Variants in PKD2L2 observed in about 807,000 individuals in gnomAD.
The protein encoded by PKD2L2 is polycystin 2 like 2, transient receptor potential cation channel, also known as polycystin-2-like protein 2.
In PKD2L2, 67 loss-of-function variants were observed where a neutral mutation model predicts 83.9. The ratio of observed to expected loss-of-function variants is 0.80; its 90% CI spans 0.66 to 0.98. PKD2L2 has a LOEUF of 0.98. Ranked by LOEUF, PKD2L2 falls within the 50% of genes least tolerant of loss-of-function variation. The probability of loss-of-function intolerance (pLI) is 0.00; values close to 1 mark genes in which losing one functional copy is unlikely to be tolerated. For missense variants in PKD2L2, 632 were observed against 717.2 expected (o/e 0.88, Z 1.36); for synonymous variants, 223 against 237.8 (o/e 0.94, Z 0.57).
chr5:137,914,315 A>G (rs1758129136), intron 8 of PKD2L2, among the ~76,000 whole-genome samples: 2 of 152,178 alleles, frequency 1.3e-5, no homozygotes, highest in Admixed American at 1.3e-4. Context: ...ATGACACTCA[A>G]AGAAATGCGC....
chr5:137,925,316 A>G (rs916430551), intron 11 of PKD2L2, among the ~76,000 whole-genome samples: 1 of 152,180 alleles, frequency 6.6e-6, no homozygotes, highest in Non-Finnish European at 1.5e-5. Flanking sequence ...CTGGCCATGA[A>G]TAAGGTTTTA....
intron 12 of PKD2L2, among the ~76,000 whole-genome samples, chr5:137,933,087 T>C (rs1157895766): frequency 6.7e-6 from 1 of 149,464 alleles, no homozygotes; most frequent in Non-Finnish European, 1.5e-5. Context: ...TTCTCCCCTC[T>C]ATCCTGCAAA....
chr5:137,902,285 A>T (rs547538492), intron 5 of PKD2L2, among the ~76,000 whole-genome samples: 3 of 152,210 alleles, frequency 2.0e-5, no homozygotes, highest in Non-Finnish European at 2.9e-5. Flanking sequence ...AAACGTTTTT[A>T]GAAAAATGAA....
intron 4 of PKD2L2, among the ~76,000 whole-genome samples, chr5:137,897,171 C>T (rs1227333580): frequency 6.6e-6 from 1 of 151,718 alleles, no homozygotes; most frequent in African/African-American, 2.4e-5. Flanking sequence ...ATCCTCCTGC[C>T]TCAGCCTCCC....
chr5:137,940,155 C>A (rs1468988069), intron 14 of PKD2L2: 25 of 1,613,074 alleles, frequency 1.5e-5, no homozygotes, highest in Non-Finnish European at 2.0e-5. Flanking sequence ...TAAGTACCAG[C>A]CAAGTACACA....
Position 137,908,806 on chromosome 5 carries a change from G to C in PKD2L2, c.1188G>C (p.Leu396=). 1.9e-6 allele frequency: 3 copies of C among 1,588,358 alleles called. No homozygotes were observed. Among genetic ancestry groups the C allele is most frequent in the Non-Finnish European group, 2.6e-6 (3 of 1,163,318 alleles). ...FISFNKTMSQ[L]SSTLSRCVKD... ...GCTTTAACAAGACAATGTCTCAGCT[G>C]TCATCAACCTTGTCCCGTTGTGTTA... Residue 396 remains leucine (L), a synonymous_variant, in exon 8 of 15, where the codon CTG becomes CTC. Transcript: ENST00000508883.
intron 12 of PKD2L2, among the ~76,000 whole-genome samples, chr5:137,932,450 T>C (rs1759954177): frequency 6.6e-6 from 1 of 151,820 alleles, no homozygotes; most frequent in African/African-American, 2.4e-5. Context: ...GTATTTCAAA[T>C]AGAGAAAATA....
At chr5:137,925,996 T>C in intron 12 of PKD2L2, 67 bp downstream of exon 12, 1 of 809,632 alleles carries the variant, frequency 1.2e-6, no homozygotes, top group Non-Finnish European at 2.1e-6. Context: ...ACAAAAACGC[T>C]CTGGTTAAGA....
chr5:137,903,948 G>T lies in PKD2L2; in HGVS notation c.747-2258G>T, dbSNP rs571334891. Reference sequence around the variant, plus strand: ...CTTTTTGTATTTTAGTAGAGACGGGGTTTCGCCATGTTGGCCAGGCTGGTT... The same window carrying T: ...CTTTTTGTATTTTAGTAGAGACGGGTTTTCGCCATGTTGGCCAGGCTGGTT... On this transcript the variant is annotated intron_variant, in intron 5 of 14. Coordinates refer to ENST00000508883, the MANE Select transcript of PKD2L2 (RefSeq NM_001300921.2). Among the ~76,000 whole-genome samples, 560 of 152,194 alleles carry T rather than the reference G, an allele frequency of 3.7e-3. 2 individuals carry two copies. Among genetic ancestry groups the T allele is most frequent in the Middle Eastern group, 6.8e-3 (2 of 294 alleles).
chr5:137,919,157 GTTATT>G (rs3085462), intron 8 of PKD2L2, among the ~76,000 whole-genome samples: 4,848 of 152,232 alleles, frequency 0.032, 121 homozygotes, highest in Middle Eastern at 0.054. Flanking sequence ...CATACTTTTA[GTTATT>G]TTAATTCAAT....
intron 7 of PKD2L2, among the ~76,000 whole-genome samples, chr5:137,908,300 G>A (rs1757524234): frequency 6.6e-6 from 1 of 151,772 alleles, no homozygotes; most frequent in Non-Finnish European, 1.5e-5. Context: ...AGAAAAAAAA[G>A]AAGTTGGCCA....
chr5:137,905,603 C>G (rs1757303403), intron 5 of PKD2L2, among the ~76,000 whole-genome samples: 2 of 152,154 alleles, frequency 1.3e-5, no homozygotes, highest in South Asian at 4.1e-4. Flanking sequence ...ACCAGAGATA[C>G]AGTGAACCTC....
chr5:137,931,963 A>G (rs1759913478), intron 12 of PKD2L2, among the ~76,000 whole-genome samples: 1 of 152,224 alleles, frequency 6.6e-6, no homozygotes, highest in Non-Finnish European at 1.5e-5. Flanking sequence ...TTTGGTAAAA[A>G]TTATAATAGA....
chr5:137,911,050 T>C (rs1028097404), intron 8 of PKD2L2, among the ~76,000 whole-genome samples: 2 of 152,184 alleles, frequency 1.3e-5, no homozygotes, highest in African/African-American at 4.8e-5. Context: ...TGTGCAACCA[T>C]CACCACCATC....
Position 137,899,646 on chromosome 5 carries a change from C to A in PKD2L2, c.655C>A (p.Arg219=). The change falls in exon 5 of 15, where the codon CGA becomes AGA. Residue 219 remains arginine (R), a synonymous_variant. Coordinates refer to ENST00000508883, the MANE Select transcript of PKD2L2 (RefSeq NM_001300921.2). ...SETKNKFIDL[R]LNSWITRGTR... is the part of the protein sequence containing the mutation. ...AACCAAAAACAAGTTCATTGACCTTCGACTGAACAGCTGGATCACAAGAGG... is the reference window on the plus strand; with the variant it reads ...AACCAAAAACAAGTTCATTGACCTTAGACTGAACAGCTGGATCACAAGAGG... 6.2e-6 allele frequency: 10 copies of A among 1,613,076 alleles called. No individual in the cohort carries two copies. The highest frequency in any genetic ancestry group is 8.5e-6 in the Non-Finnish European group (10 of 1,179,048).
In PKD2L2 at chr5:137,925,900, C is replaced by T; in HGVS notation, c.1642C>T (p.Gln548Ter). The part of the protein sequence containing the change: ...KTKGSGDLAE[Q>*]ARREGFDENE... ...CAAAGGCAGCGGAGATTTGGCTGAA[C>T]AAGCCAGAAGAGAAGGCTTTGACGA... Residue 548 changes from glutamine to a stop codon, truncating the protein, a stop_gained, in exon 12 of 15, where the codon CAA becomes TAA. Transcript: ENST00000508883. LOFTEE classifies it high-confidence loss of function. 1 of 1,597,910 alleles carries T rather than the reference C, an allele frequency of 6.3e-7. No homozygotes were observed. Among genetic ancestry groups the T allele is most frequent in the Non-Finnish European group, 8.6e-7 (1 of 1,167,670 alleles).
intron 8 of PKD2L2, among the ~76,000 whole-genome samples, chr5:137,911,882 C>A (rs1050429025): frequency 6.6e-6 from 1 of 152,186 alleles, no homozygotes; most frequent in Admixed American, 6.5e-5. Context: ...TTTTCAGACT[C>A]CACATGTAAG....
rs780029009 is a variant in PKD2L2 at position 137,921,618 on chromosome 5, T to C, written c.1329-18T>C. The C allele has an allele frequency of 6.6e-7, 1 of 1,516,980 alleles. No homozygotes were observed. Among genetic ancestry groups the C allele is most frequent in the Non-Finnish European group, 9.1e-7 (1 of 1,101,362 alleles). 94.0% of individuals were successfully genotyped at this position (1,516,980 alleles called of 1,614,324 possible). ...GTACATAAAGGTATATATTTTCTAC[T>C]GTTTTTCTTTCTTAAAGATTTGCAC... is the stretch of plus-strand genomic sequence containing the variant. On this transcript the variant is annotated intron_variant, in intron 8 of 14. Coordinates refer to ENST00000508883, the MANE Select transcript of PKD2L2 (RefSeq NM_001300921.2).
rs1220870766 is a variant in PKD2L2, at chr5:137,925,921, G to A, written c.1663G>A (p.Asp555Asn). ...TGAACAAGCCAGAAGAGAAGGCTTT[G>A]ACGAAAATGTAAGATTTTAATTTTT... ...LAEQARREGF[D>N]ENEIQNAEQM... The change falls in exon 12 of 15, where the codon GAC becomes AAC. Residue 555 changes from aspartate to asparagine, a missense_variant. By Grantham distance (23) the Asp-to-Asn change is conservative. Transcript: ENST00000508883. 3 of 1,587,394 alleles carry A rather than the reference G, an allele frequency of 1.9e-6. No individual in the cohort carries two copies. Among genetic ancestry groups the A allele is most frequent in the South Asian group, 2.2e-5 (2 of 89,146 alleles).
Sources: allele counts gnomAD v4.1 joint callset (sites outside exome capture counted in the v4.1 genomes callset), GRCh38; gene constraint gnomAD v4.1.1; transcripts MANE v1.5; gene names NCBI Gene and HGNC (gene_info 2026-07-23, HGNC 2026-07-21).